Variants in GUF1 observed in about 807,000 individuals in gnomAD.
GUF1 encodes translation factor GUF1, mitochondrial.
In GUF1, 78 loss-of-function variants were observed where a neutral mutation model predicts 82.4. The observed-to-expected ratio is 0.95, with a 90% CI of 0.79 to 1.14. The LOEUF (loss-of-function observed/expected upper bound fraction) is 1.14. Among genes scored for constraint, GUF1 ranks in the 50% most tolerant of loss-of-function variants. The pLI is 0.00. For synonymous variants in GUF1, 279 were observed against 282.3 expected (o/e 0.99, Z 0.12); for missense variants, 814 against 798.2 (o/e 1.02, Z -0.24).
At chr4:44,697,272 T>G in intron 15 of GUF1, 136 bp from the exon 16 acceptor site, 1 of 445,478 alleles carries the variant, frequency 2.2e-6, no homozygotes. Context: ...CTAATTAATA[T>G]GCTTATGGCA....
chr4:44,685,337 G>T (rs1280714957), intron 6 of GUF1, among the ~76,000 whole-genome samples: 2 of 152,076 alleles, frequency 1.3e-5, no homozygotes, highest in Non-Finnish European at 2.9e-5. Flanking sequence ...CCAAAACAAA[G>T]AATTATCTGG....
chr4:44,690,763 C>G lies in GUF1; in HGVS notation c.1382C>G (p.Pro461Arg). The change falls in exon 12 of 17, where the codon CCC (proline) becomes CGC (arginine). Residue 461 changes from proline to arginine, a missense_variant. Transcript: ENST00000281543. ...EITIINPAQFPDKSKVTEYLE... is the reference protein window; with the variant it reads ...EITIINPAQFRDKSKVTEYLE... ...ACAATTATCAATCCTGCACAATTCC[C>G]CGATAAATCAAAAGTAACAGAATAT... is the stretch of plus-strand genomic sequence containing the variant. 3 of 1,595,844 alleles carry G rather than the reference C, an allele frequency of 1.9e-6. No individual in the cohort carries two copies. The highest frequency in any genetic ancestry group is 2.6e-6 in the Non-Finnish European group (3 of 1,165,144).
In GUF1 at chr4:44,681,042, G is replaced by A. The variant is rs1714744244; in HGVS notation, c.427-81G>A. On this transcript the variant is annotated intron_variant, in intron 3 of 16. Coordinates refer to ENST00000281543, the MANE Select transcript of GUF1 (RefSeq NM_021927.3). The stretch of plus-strand genomic sequence containing the variant: ...ACGAATATTTAACAGCTTTTATCAA[G>A]TAAAGTCAATAAATTTGCCATAATG... The A allele has an allele frequency of 3.1e-6, 4 of 1,282,148 alleles. No homozygotes were observed. The South Asian group carries it at 4.9e-5, about 16-fold the overall frequency. The allele number at this position is 1,282,148 out of a possible 1,614,324, so 79.4% of individuals were successfully genotyped here. A position where few individuals can be genotyped will look rare whatever the true frequency, so the allele number is the denominator to read the frequency against.
intron 10 of GUF1, 84 bp from the exon 11 acceptor site, chr4:44,689,755 CCTTA>C (rs1715304952): frequency 9.2e-7 from 1 of 1,091,918 alleles, no homozygotes; most frequent in Admixed American, 2.8e-5. Context: ...TCCATCCCTC[CCTTA>C]AAGTAACAAT....
rs559261656 is a variant in GUF1, at chr4:44,695,187, A to G, written c.1716-428A>G. Among the ~76,000 whole-genome samples the G allele has an allele frequency of 6.6e-5, 10 of 152,314 alleles. No homozygotes were observed. The South Asian group carries it at 1.2e-3, about 19-fold the overall frequency. On this transcript the variant is annotated intron_variant, in intron 14 of 16. Transcript: ENST00000281543. ...GGTTAAAATGAATTACAAAGCACCC[A>G]TATTGTTATTTTCAGCCATTAAAAC...
intron 13 of GUF1, among the ~76,000 whole-genome samples, chr4:44,693,405 G>T (rs1423390327): frequency 6.6e-6 from 1 of 152,010 alleles, no homozygotes; most frequent in African/African-American, 2.4e-5. Context: ...CAACTTCAAA[G>T]TTAAGGACCA....
At position 44,690,772 on chromosome 4, in the gene GUF1, C is replaced by T; in HGVS notation, c.1391C>T (p.Ser464Leu). The change falls in exon 12 of 17, where the codon TCA becomes TTA. Residue 464 changes from serine (S) to leucine (L), a missense_variant. Physicochemically the swap from Ser to Leu is moderately radical, Grantham distance 145. Coordinates refer to ENST00000281543, the MANE Select transcript of GUF1 (RefSeq NM_021927.3). ...IINPAQFPDK[S>L]KVTEYLEPVV... ...AATCCTGCACAATTCCCCGATAAAT[C>T]AAAAGTAACAGAATATTTGGAGCCA... The T allele has an allele frequency of 6.3e-7, 1 of 1,597,160 alleles. No homozygotes were observed. Among genetic ancestry groups the T allele is most frequent in the South Asian group, 1.1e-5 (1 of 90,196 alleles).
At chr4:44,682,108 C>G in intron 4 of GUF1, 1 of 324,240 alleles carries the variant, frequency 3.1e-6, no homozygotes, top group Non-Finnish European at 5.7e-6. Context: ...TTGGCTCACT[C>G]TACTTGATGT....
intron 4 of GUF1, 192 bp from the exon 5 acceptor site, chr4:44,682,132 CCATCAGCGAT>C: frequency 2.8e-6 from 1 of 360,506 alleles, no homozygotes; most frequent in Non-Finnish European, 5.1e-6. Context: ...TATTGCTTTA[CCATCAGCGAT>C]TTTCATATTG....
chr4:44,678,440 G>A lies in GUF1; in HGVS notation c.-183G>A. On this transcript the variant is annotated 5_prime_UTR_variant, in exon 1 of 17. Transcript: ENST00000281543. ...CGTGCAGACGTCGGCAAGCTGCGCC[G>A]CCGCTTCGGGTTGCTTCCGGATCTG... The A allele has an allele frequency of 4.0e-6, 2 of 503,672 alleles. No homozygotes were observed. The highest frequency in any genetic ancestry group is 6.6e-6 in the Non-Finnish European group (2 of 302,864). The allele number at this position is 503,672 out of a possible 1,614,324, so 31.2% of individuals were successfully genotyped here. A position where few individuals can be genotyped will look rare whatever the true frequency, so the allele number is the denominator to read the frequency against.
chr4:44,678,622 C>G lies in GUF1; in HGVS notation c.-1C>G. 6.9e-7 allele frequency: 1 copy of G among 1,455,912 alleles called. No individual in the cohort carries two copies. Among genetic ancestry groups the G allele is most frequent in the Non-Finnish European group, 9.0e-7 (1 of 1,115,142 alleles). 90.2% of individuals were successfully genotyped at this position (1,455,912 alleles called of 1,614,324 possible). A position where few individuals can be genotyped will look rare whatever the true frequency, so the allele number is the denominator to read the frequency against. ...CTCCTGACGCCTCCGCCGCCCGGGT[C>G]ATGTGGACCCTCGTGGGTCGGGGCT... On this transcript the variant is annotated 5_prime_UTR_variant, in exon 1 of 17. Transcript: ENST00000281543.
Position 44,680,559 on chromosome 4 carries a change from C to A in GUF1, c.277+7C>A, listed in dbSNP as rs1459916015. The A allele has an allele frequency of 6.4e-7, 1 of 1,573,410 alleles. No individual in the cohort carries two copies. Among genetic ancestry groups the A allele is most frequent in the Non-Finnish European group, 8.7e-7 (1 of 1,149,754 alleles). ...AGGCTCCTAGAACTTACAGGTATTT[C>A]ATTTATGTTACATACTTAACTGATG... On this transcript the variant is annotated splice_region_variant and intron_variant, in intron 2 of 16. Transcript: ENST00000281543.
At chr4:44,689,633 A>T (rs1440237353) in intron 10 of GUF1, among the ~76,000 whole-genome samples, 1 of 151,830 alleles carries the variant, frequency 6.6e-6, no homozygotes, top group Non-Finnish European at 1.5e-5. Flanking sequence ...TTGACATTTT[A>T]TGGGTAAGTT....
In GUF1 at chr4:44,698,641, A is replaced by T. The variant is rs1468674906; in HGVS notation, c.1970A>T (p.Asp657Val). The T allele has an allele frequency of 2.5e-6, 4 of 1,607,922 alleles. No homozygotes were observed. The highest frequency in any genetic ancestry group is 3.4e-6 in the Non-Finnish European group (4 of 1,178,314). The change falls in exon 17 of 17, where the codon GAT becomes GTT. Residue 657 changes from aspartate (D) to valine (V), a missense_variant. Coordinates refer to ENST00000281543, the MANE Select transcript of GUF1 (RefSeq NM_021927.3). Reference protein sequence around the residue: ...RKIGNVEVPKDAFIKVLKTQS... With the variant: ...RKIGNVEVPKVAFIKVLKTQS... ...ATTGGCAACGTTGAAGTTCCAAAAG[A>T]TGCTTTTATAAAAGTTCTGAAAACA...
intron 6 of GUF1, among the ~76,000 whole-genome samples, 186 bp from the exon 7 acceptor site, chr4:44,685,773 C>T (rs1210476780): frequency 6.6e-6 from 1 of 151,976 alleles, no homozygotes; most frequent in Non-Finnish European, 1.5e-5. Flanking sequence ...TGTAGAACTA[C>T]GTAACTATAA....
In GUF1 at chr4:44,678,421, G is replaced by T. The variant is rs1044219016; in HGVS notation, c.-202G>T. The T allele has an allele frequency of 4.2e-6, 2 of 478,640 alleles. No homozygotes were observed. Among genetic ancestry groups the T allele is most frequent in the African/African-American group, 4.1e-5 (2 of 49,056 alleles). 29.6% of individuals were successfully genotyped at this position (478,640 alleles called of 1,614,324 possible). A position where few individuals can be genotyped will look rare whatever the true frequency, so the allele number is the denominator to read the frequency against. ...ATGTCACGACAGCGTGCGGCGTGCA[G>T]ACGTCGGCAAGCTGCGCCGCCGCTT... On this transcript the variant is annotated 5_prime_UTR_variant, in exon 1 of 17. Coordinates refer to ENST00000281543, the MANE Select transcript of GUF1 (RefSeq NM_021927.3).
chr4:44,698,422 G>T, intron 16 of GUF1, 122 bp from the exon 17 acceptor site: 1 of 686,946 alleles, frequency 1.5e-6, no homozygotes, highest in Admixed American at 2.7e-5. Context: ...AGATTAGAGA[G>T]ATGTCTGCCT....
rs188367301 is a variant in GUF1, at chr4:44,686,521, A to G, written c.746A>G (p.His249Arg). The G allele has an allele frequency of 8.1e-6, 13 of 1,610,304 alleles. No homozygotes were observed. Among genetic ancestry groups the G allele is most frequent in the Admixed American group, 1.7e-5 (1 of 59,860 alleles). The change falls in exon 8 of 17, where the codon CAT becomes CGT. Residue 249 changes from histidine to arginine, a missense_variant. His to Arg is a conservative substitution (Grantham distance 29). Transcript: ENST00000281543. Reference protein sequence around the residue: ...IIERIPPPKVHRKNPLRALVF... With the variant: ...IIERIPPPKVRRKNPLRALVF... ...CTTATATTTACTAGTCCTAAAGTGC[A>G]TCGCAAAAATCCTCTGAGAGCTTTG... is the stretch of plus-strand genomic sequence containing the variant.
intron 16 of GUF1, 53 bp downstream of exon 16, chr4:44,697,497 C>A: frequency 2.2e-6 from 2 of 918,486 alleles, no homozygotes; most frequent in Non-Finnish European, 3.4e-6. Flanking sequence ...GGCTTTAAAT[C>A]AAAGGGGGCA....
Sources: allele counts gnomAD v4.1 joint callset (sites outside exome capture counted in the v4.1 genomes callset), GRCh38; gene constraint gnomAD v4.1.1; transcripts MANE v1.5; gene names NCBI Gene and HGNC (gene_info 2026-07-23, HGNC 2026-07-21).